CNEP1R1: variants seen among roughly 807,000 people sequenced by gnomAD.
CNEP1R1 encodes the protein nuclear envelope phosphatase-regulatory subunit 1.
In CNEP1R1, 10 loss-of-function variants were observed where a neutral mutation model predicts 22.7. The ratio of observed to expected loss-of-function variants is 0.44; its 90% CI spans 0.27 to 0.75. The LOEUF is 0.75. Among genes scored for constraint, CNEP1R1 ranks in the 30% least tolerant of loss-of-function variants. CNEP1R1 has a pLI of 0.17. For missense variants in CNEP1R1, 73 were observed against 151.5 expected (o/e 0.48, Z 2.72); for synonymous variants, 53 against 50.1 (o/e 1.06, Z -0.25).
intron 3 of CNEP1R1, among the ~76,000 whole-genome samples, chr16:50,031,144 T>C (rs577770891): frequency 6.6e-6 from 1 of 152,342 alleles, no homozygotes; most frequent in African/African-American, 2.4e-5. Context: ...CCCTCCCCGC[T>C]TTAAGCTGCA....
Position 50,035,680 on chromosome 16 carries a change from G to A in CNEP1R1, c.*222G>A, listed in dbSNP as rs1020792417. On this transcript the variant is annotated 3_prime_UTR_variant, in exon 6 of 6. Transcript: ENST00000427478. Reference sequence around the variant, plus strand: ...GTGTTTCAGTATTAGTGTCACTTTAGTACTTCAGATCCTGCAAATATTTTT... The same window carrying A: ...GTGTTTCAGTATTAGTGTCACTTTAATACTTCAGATCCTGCAAATATTTTT... 3 of 485,444 alleles carry A rather than the reference G, an allele frequency of 6.2e-6. No homozygotes were observed. Among genetic ancestry groups the A allele is most frequent in the African/African-American group, 2.0e-5 (1 of 50,376 alleles). 30.1% of individuals were successfully genotyped at this position (485,444 alleles called of 1,614,324 possible).
At chr16:50,025,524 C>A (rs1046429246) in intron 1 of CNEP1R1, 184 bp downstream of exon 1, 1 of 1,097,940 alleles carries the variant, frequency 9.1e-7, no homozygotes, top group Non-Finnish European at 1.3e-6. Context: ...TGCCTCAGCT[C>A]CCTGAGTCCC....
intron 2 of CNEP1R1, among the ~76,000 whole-genome samples, chr16:50,027,760 A>G (rs2036199043): frequency 6.6e-6 from 1 of 152,172 alleles, no homozygotes; most frequent in South Asian, 2.1e-4. Context: ...ATTTTTAACA[A>G]AGCATAATTG....
intron 2 of CNEP1R1, among the ~76,000 whole-genome samples, chr16:50,027,222 G>A (rs971979098): frequency 1.3e-4 from 20 of 151,906 alleles, no homozygotes; most frequent in Non-Finnish European, 2.6e-4. Context: ...TGGGTAACAT[G>A]GAGAGACCCC....
At position 50,033,383 on chromosome 16, in the gene CNEP1R1, C is replaced by A. The variant is rs1597119122; in HGVS notation, c.172-14C>A. On this transcript the variant is annotated splice_polypyrimidine_tract_variant and intron_variant, in intron 3 of 5. Coordinates refer to ENST00000427478, the MANE Select transcript of CNEP1R1 (RefSeq NM_001281789.2). ...ATTTTTAACATTTTTATATTTTCAT[C>A]TCTTCTTTTACAGGTGTCCTTCTTC... 6 of 1,384,248 alleles carry A rather than the reference C, an allele frequency of 4.3e-6. No homozygotes were observed. Among genetic ancestry groups the A allele is most frequent in the Non-Finnish European group, 6.1e-6 (6 of 981,328 alleles). The allele number at this position is 1,384,248 out of a possible 1,614,324, so 85.7% of individuals were successfully genotyped here.
chr16:50,035,999 T>C lies in CNEP1R1; in HGVS notation c.*541T>C, dbSNP rs1218399855. Reference sequence around the variant, plus strand: ...TTAGACTGAGGAAAACTCTCCATTATGTTGTAAGAAATTATAGATGTTTTG... The same window carrying C: ...TTAGACTGAGGAAAACTCTCCATTACGTTGTAAGAAATTATAGATGTTTTG... On this transcript the variant is annotated 3_prime_UTR_variant, in exon 6 of 6. Coordinates refer to ENST00000427478, the MANE Select transcript of CNEP1R1 (RefSeq NM_001281789.2). 1.3e-5 allele frequency: 2 copies of C among 152,724 alleles called. No homozygotes were observed. Among genetic ancestry groups the C allele is most frequent in the Non-Finnish European group, 2.9e-5 (2 of 68,094 alleles). 9.5% of individuals were successfully genotyped at this position (152,724 alleles called of 1,614,324 possible).
chr16:50,025,367 C>T (rs1318132820), intron 1 of CNEP1R1, 27 bp downstream of exon 1: 15 of 1,435,888 alleles, frequency 1.0e-5, no homozygotes, highest in Non-Finnish European at 1.2e-5. Context: ...GGGCCCGTCC[C>T]CCGTCTCCCC....
At chr16:50,025,802 G>GA in intron 1 of CNEP1R1, 3 of 991,930 alleles carry the variant, frequency 3.0e-6, no homozygotes, top group Non-Finnish European at 4.7e-6. Flanking sequence ...CTGTCTTCTA[G>GA]AACTAGGCGC....
In CNEP1R1 at chr16:50,034,066, G is replaced by A. The variant is rs927274831; in HGVS notation, c.282-36G>A. On this transcript the variant is annotated intron_variant, in intron 4 of 5. Coordinates refer to ENST00000427478, the MANE Select transcript of CNEP1R1 (RefSeq NM_001281789.2). Reference sequence around the variant, plus strand: ...GCACCCGGCCTAAAAGCATACTCTTGAAATGAGAAATTTTCCTTTGACCAC... The same window carrying A: ...GCACCCGGCCTAAAAGCATACTCTTAAAATGAGAAATTTTCCTTTGACCAC... 3 of 1,547,708 alleles carry A rather than the reference G, an allele frequency of 1.9e-6. No homozygotes were observed. The African/African-American group carries it at 4.1e-5, about 21-fold the overall frequency.
In CNEP1R1 at chr16:50,025,315, C is replaced by G. The variant is rs1273313894; in HGVS notation, c.-1C>G. The stretch of plus-strand genomic sequence containing the variant: ...GGCGGTGACCCGAGCTGCCGCCCGA[C>G]ATGAACTCGCTGGAGCAGGCGGAAG... On this transcript the variant is annotated 5_prime_UTR_variant, in exon 1 of 6. Transcript: ENST00000427478. 30 of 1,432,678 alleles carry G rather than the reference C, an allele frequency of 2.1e-5. No individual in the cohort carries two copies. In the Admixed American group the frequency reaches 7.4e-4, roughly 35 times the overall value. The allele number at this position is 1,432,678 out of a possible 1,614,324, so 88.7% of individuals were successfully genotyped here.
At chr16:50,025,755 G>A (rs2036176536) in intron 1 of CNEP1R1, 1 of 1,467,730 alleles carries the variant, frequency 6.8e-7, no homozygotes. Context: ...CTGCGGAAAG[G>A]ATACCCCACC....
rs1474339371 is a variant in CNEP1R1 at position 50,034,107 on chromosome 16, C to T, written c.287C>T (p.Ala96Val). 2 of 1,593,582 alleles carry T rather than the reference C, an allele frequency of 1.3e-6. No individual in the cohort carries two copies. The highest frequency in any genetic ancestry group is 1.7e-6 in the Non-Finnish European group (2 of 1,168,744). ...HKRVVAPSII[A>V]ARCRTVLAEY... ...CTTTGACCACATGTATTCAGTATAG[C>T]TGCTCGATGTCGAACGGTATTAGCA... The change falls in exon 5 of 6, where the codon GCT becomes GTT. Residue 96 changes from alanine (A) to valine (V), a missense_variant. Ala to Val is a moderately conservative substitution (Grantham distance 64, BLOSUM62 0). Transcript: ENST00000427478.
Position 50,025,385 on chromosome 16 carries a change from C to T in CNEP1R1, c.25+45C>T, listed in dbSNP as rs536081678. 8.4e-6 allele frequency: 12 copies of T among 1,424,812 alleles called. No individual in the cohort carries two copies. The Admixed American group carries it at 3.3e-4, about 40-fold the overall frequency. 88.3% of individuals were successfully genotyped at this position (1,424,812 alleles called of 1,614,324 possible). A position where few individuals can be genotyped will look rare whatever the true frequency, so the allele number is the denominator to read the frequency against. ...CCCGTCCCCCGTCTCCCCTCGGAAG[C>T]TGGCGGTGCTCCGGAGGAGCCGGCG... On this transcript the variant is annotated intron_variant, in intron 1 of 5. Transcript: ENST00000427478.
At chr16:50,028,119 G>A (rs1255837581) in intron 2 of CNEP1R1, among the ~76,000 whole-genome samples, 2 of 152,098 alleles carry the variant, frequency 1.3e-5, no homozygotes, top group East Asian at 1.9e-4. Flanking sequence ...CACCACGGCA[G>A]CTAATTTTTT....
chr16:50,034,057 C>T lies in CNEP1R1; in HGVS notation c.282-45C>T, dbSNP rs1432060964. 4.0e-6 allele frequency: 6 copies of T among 1,490,094 alleles called. No individual in the cohort carries two copies. In the East Asian group the frequency reaches 9.5e-5, roughly 24 times the overall value. The allele number at this position is 1,490,094 out of a possible 1,614,324, so 92.3% of individuals were successfully genotyped here. A position where few individuals can be genotyped will look rare whatever the true frequency, so the allele number is the denominator to read the frequency against. ...TGAGCCACCGCACCCGGCCTAAAAG[C>T]ATACTCTTGAAATGAGAAATTTTCC... On this transcript the variant is annotated intron_variant, in intron 4 of 5. Transcript: ENST00000427478.
rs2036275048 is a variant in CNEP1R1 at position 50,036,119 on chromosome 16, A to G, written c.*661A>G. 1 of 144,470 alleles carries G rather than the reference A, an allele frequency of 6.9e-6. No homozygotes were observed. The highest frequency in any genetic ancestry group is 1.5e-5 in the Non-Finnish European group (1 of 65,282). 8.9% of individuals were successfully genotyped at this position (144,470 alleles called of 1,614,324 possible). On this transcript the variant is annotated 3_prime_UTR_variant, in exon 6 of 6. Transcript: ENST00000427478. ...TCTCATTTAATGCTAAATATCCTTT[A>G]TATTGCTTTAATAATTTTCTTTTTT...
chr16:50,025,740 C>A, intron 1 of CNEP1R1: 1 of 1,566,866 alleles, frequency 6.4e-7, no homozygotes, highest in Non-Finnish European at 8.8e-7. Context: ...GTTTAAAGCA[C>A]ACCACTGCGG....
intron 3 of CNEP1R1, among the ~76,000 whole-genome samples, chr16:50,030,273 C>T (rs2036220385): frequency 6.6e-6 from 1 of 152,008 alleles, no homozygotes; most frequent in African/African-American, 2.4e-5. Flanking sequence ...AAGACCCCAT[C>T]TCTACAAAAA....
intron 3 of CNEP1R1, 96 bp from the exon 4 acceptor site, chr16:50,033,300 TA>T (rs1175553543): frequency 4.0e-6 from 2 of 504,080 alleles, no homozygotes; most frequent in South Asian, 7.0e-5. Flanking sequence ...GTTTATATGA[TA>T]AAAAATATTA....
Sources: gnomAD v4.1 joint callset for allele counts (sites outside exome capture counted in the v4.1 genomes callset) on GRCh38, gnomAD v4.1.1 for gene constraint, MANE v1.5 for transcripts, NCBI Gene and HGNC (gene_info 2026-07-23, HGNC 2026-07-21) for gene names.